Variants in CDH8 observed in about 807,000 individuals in gnomAD.
CDH8 encodes the protein cadherin-8.
In CDH8, 17 loss-of-function variants were observed where a neutral mutation model predicts 68.1. The observed-to-expected ratio is 0.25, with a 90% CI of 0.17 to 0.37. The LOEUF (loss-of-function observed/expected upper bound fraction) is 0.37. Ranked by LOEUF, CDH8 falls within the 10% of genes least tolerant of loss-of-function variation. The pLI is 1.00. For synonymous variants in CDH8, 372 were observed against 365.1 expected (o/e 1.02, Z -0.21); for missense variants, 763 against 999.3 (o/e 0.76, Z 3.19).
intron 1 of CDH8, among the ~76,000 whole-genome samples, 178 bp downstream of exon 1, chr16:62,035,902 C>T (rs1902445730): frequency 6.6e-6 from 1 of 152,178 alleles, no homozygotes; most frequent in African/African-American, 2.4e-5. Context: ...TTATCACCCA[C>T]GGATATCGCG....
In CDH8 at chr16:61,929,832, G is replaced by C. The variant is rs527717764; in HGVS notation, c.253-28359C>G. On this transcript the variant is annotated intron_variant, in intron 2 of 11. Coordinates refer to ENST00000577390, the MANE Select transcript of CDH8 (RefSeq NM_001796.5). Reference sequence around the variant, plus strand: ...TTGAGCCCAGGAGTTAGAGGCTGCAGTGAGCTATGATCAAGCCACTGCACT... The same window carrying C: ...TTGAGCCCAGGAGTTAGAGGCTGCACTGAGCTATGATCAAGCCACTGCACT... Among the ~76,000 whole-genome samples, 19 of 152,242 alleles carry C rather than the reference G, an allele frequency of 1.2e-4. No individual in the cohort carries two copies. The South Asian group carries it at 2.3e-3, about 18-fold the overall frequency.
chr16:61,940,361 C>T (rs527684403), intron 2 of CDH8: 1 of 148,840 alleles, frequency 6.7e-6, no homozygotes, highest in African/African-American at 2.5e-5. Flanking sequence ...CAGTTTACAG[C>T]TTTGCTAGGG....
intron 2 of CDH8, among the ~76,000 whole-genome samples, chr16:61,908,637 T>C (rs544709535): frequency 6.6e-6 from 1 of 152,268 alleles, no homozygotes; most frequent in East Asian, 1.9e-4. Flanking sequence ...GATTGATGCT[T>C]TGGAGCTGAA....
intron 2 of CDH8, among the ~76,000 whole-genome samples, chr16:61,991,204 G>A (rs746749027): frequency 2.0e-4 from 30 of 152,242 alleles, no homozygotes; most frequent in Middle Eastern, 3.4e-3. Context: ...CAGAGTTAGC[G>A]TCTCTAAGTC....
intron 2 of CDH8, among the ~76,000 whole-genome samples, chr16:61,991,589 C>T (rs574256976): frequency 2.6e-4 from 39 of 152,244 alleles, no homozygotes; most frequent in African/African-American, 7.7e-4. Context: ...GGTGTGAAAC[C>T]GAGTTTCTTG....
chr16:61,874,614 T>G (rs545307543), intron 3 of CDH8, among the ~76,000 whole-genome samples: 2 of 152,228 alleles, frequency 1.3e-5, no homozygotes, highest in Admixed American at 6.5e-5. Flanking sequence ...CAACTTACTA[T>G]AAGTTTATTG....
intron 8 of CDH8, among the ~76,000 whole-genome samples, chr16:61,743,643 C>T (rs1450020630): frequency 2.0e-5 from 3 of 152,144 alleles, no homozygotes; most frequent in Non-Finnish European, 4.4e-5. Context: ...CATTTATTCT[C>T]AATTTCATTA....
In CDH8 at chr16:61,650,592, T is replaced by C. The variant is rs1289206411; in HGVS notation, c.*3016A>G. On this transcript the variant is annotated 3_prime_UTR_variant, in exon 12 of 12. Transcript: ENST00000577390. Reference sequence around the variant, plus strand: ...GAAAATGTTAGGAACCTTATTGATATCTTTTGGTTGGGAAAGTCCTGGCAA... The same window carrying C: ...GAAAATGTTAGGAACCTTATTGATACCTTTTGGTTGGGAAAGTCCTGGCAA... The C allele has an allele frequency of 6.6e-6, 1 of 152,016 alleles. No individual in the cohort carries two copies. The highest frequency in any genetic ancestry group is 1.9e-4 in the East Asian group (1 of 5,174). 9.4% of individuals were successfully genotyped at this position (152,016 alleles called of 1,614,324 possible). A position where few individuals can be genotyped will look rare whatever the true frequency, so the allele number is the denominator to read the frequency against.
At chr16:61,733,713 C>T (rs1402916470) in intron 8 of CDH8, among the ~76,000 whole-genome samples, 1 of 151,522 alleles carries the variant, frequency 6.6e-6, no homozygotes, top group Non-Finnish European at 1.5e-5. Context: ...ATTTCTCCAG[C>T]TGTTAATTTT....
At chr16:61,747,077 C>T (rs748233414) in intron 8 of CDH8, among the ~76,000 whole-genome samples, 6 of 151,952 alleles carry the variant, frequency 3.9e-5, no homozygotes, top group Non-Finnish European at 7.4e-5. Context: ...TGGATATATG[C>T]GAATGTAAAC....
At chr16:61,930,696 T>C (rs1964528102) in intron 2 of CDH8, among the ~76,000 whole-genome samples, 1 of 152,218 alleles carries the variant, frequency 6.6e-6, no homozygotes, top group Admixed American at 6.5e-5. Flanking sequence ...ATAAACTCTT[T>C]TTCAGTCCTG....
Position 61,652,816 on chromosome 16 carries a change from C to T in CDH8, c.*792G>A. ...GCGCTAGCAATAAAACCATCTGTCT[C>T]TTATGTAGTCCACTGTGTGATACAG... On this transcript the variant is annotated 3_prime_UTR_variant, in exon 12 of 12. Transcript: ENST00000577390. 2.1e-6 allele frequency: 3 copies of T among 1,453,590 alleles called. No homozygotes were observed. Among genetic ancestry groups the T allele is most frequent in the Non-Finnish European group, 2.7e-6 (3 of 1,104,310 alleles). The allele number at this position is 1,453,590 out of a possible 1,614,324, so 90.0% of individuals were successfully genotyped here.
chr16:61,913,302 CA>C (rs1202310927), intron 2 of CDH8, among the ~76,000 whole-genome samples: 1 of 152,094 alleles, frequency 6.6e-6, no homozygotes, highest in African/African-American at 2.4e-5. Flanking sequence ...TCTTGGTAAT[CA>C]AAAAGTTTTA....
At position 62,021,022 on chromosome 16, in the gene CDH8, G is replaced by C. The variant is rs528451487; in HGVS notation, c.252+130C>G. On this transcript the variant is annotated intron_variant, in intron 2 of 11. Transcript: ENST00000577390. The stretch of plus-strand genomic sequence containing the variant: ...TAATCGTATTCCTAACAGAACGACA[G>C]GTAAACTCACTAAACATCTGGCTTG... The C allele has an allele frequency of 8.3e-4, 659 of 797,524 alleles. 6 individuals carry two copies. The South Asian group carries it at 0.011, about 13-fold the overall frequency. The allele number at this position is 797,524 out of a possible 1,614,324, so 49.4% of individuals were successfully genotyped here. A position where few individuals can be genotyped will look rare whatever the true frequency, so the allele number is the denominator to read the frequency against.
At chr16:61,892,723 T>A (rs1311753088) in intron 3 of CDH8, among the ~76,000 whole-genome samples, 1 of 152,008 alleles carries the variant, frequency 6.6e-6, no homozygotes, top group Non-Finnish European at 1.5e-5. Context: ...GGACACCACA[T>A]AACAACAGGA....
chr16:61,892,547 T>G (rs1963796505), intron 3 of CDH8, among the ~76,000 whole-genome samples: 1 of 152,164 alleles, frequency 6.6e-6, no homozygotes, highest in Non-Finnish European at 1.5e-5. Flanking sequence ...AAACCAGTTT[T>G]GAATACAGAT....
intron 3 of CDH8, among the ~76,000 whole-genome samples, chr16:61,871,001 T>C (rs1019000467): frequency 2.0e-5 from 3 of 152,134 alleles, no homozygotes; most frequent in African/African-American, 4.8e-5. Context: ...CAAAAGAGGA[T>C]AGGCATAAAT....
intron 2 of CDH8, among the ~76,000 whole-genome samples, chr16:61,954,714 A>AGAAAG (rs796069535): frequency 2.6e-3 from 386 of 151,304 alleles, no homozygotes; most frequent in Middle Eastern, 0.017. Context: ...AAAAAAAAAA[A>AGAAAG]AAAGAAAGAA....
intron 2 of CDH8, among the ~76,000 whole-genome samples, chr16:61,969,395 C>A (rs1597098674): frequency 6.6e-6 from 1 of 152,282 alleles, no homozygotes; most frequent in South Asian, 2.1e-4. Flanking sequence ...TAGCTGGTTT[C>A]TTGAATAGTG....
Sources: gnomAD v4.1 joint callset for allele counts (sites outside exome capture counted in the v4.1 genomes callset) on GRCh38, gnomAD v4.1.1 for gene constraint, MANE v1.5 for transcripts, NCBI Gene and HGNC (gene_info 2026-07-23, HGNC 2026-07-21) for gene names.